PCBP3: variants seen among roughly 807,000 people sequenced by gnomAD.
PCBP3 encodes the protein poly(rC)-binding protein 3.
A neutral mutation model predicts 52.7 loss-of-function variants in PCBP3; 25 were observed. The ratio of observed to expected loss-of-function variants is 0.47; its 90% CI spans 0.35 to 0.66. The LOEUF (loss-of-function observed/expected upper bound fraction) is 0.66, where lower values mean the gene tolerates loss of function less well. Ranked by LOEUF, PCBP3 falls within the 30% of genes least tolerant of loss-of-function variation. The pLI is 0.01. For missense variants in PCBP3, 391 were observed against 490.3 expected (o/e 0.80, Z 1.91); for synonymous variants, 162 against 183.0 (o/e 0.89, Z 0.93).
chr21:45,678,572 T>G (rs2081616622), intron 2 of PCBP3, among the ~76,000 whole-genome samples: 1 of 151,190 alleles, frequency 6.6e-6, no homozygotes, highest in African/African-American at 2.5e-5. Context: ...ACTGCAGATG[T>G]GGTGAAAACA....
intron 3 of PCBP3, chr21:45,744,313 G>A (rs530742496): frequency 3.5e-4 from 53 of 152,170 alleles, no homozygotes; most frequent in African/African-American, 1.3e-3. Context: ...TTCCACCTCA[G>A]TCTCCCACGT....
intron 4 of PCBP3, among the ~76,000 whole-genome samples, chr21:45,840,589 T>G (rs2093681182): frequency 6.6e-6 from 1 of 152,120 alleles, no homozygotes; most frequent in African/African-American, 2.4e-5. Flanking sequence ...GTCCCAAGCC[T>G]TCATATTTAC....
chr21:45,918,101 C>CACCACCGAG, intron 13 of PCBP3: 6 of 206,682 alleles, frequency 2.9e-5, no homozygotes, highest in South Asian at 1.6e-4. Context: ...ACATAGGGTC[C>CACCACCGAG]ATCTACACAC....
rs574735116 is a variant in PCBP3 at position 45,796,504 on chromosome 21, T to A, written c.-126+41052T>A. Among the ~76,000 whole-genome samples the A allele has an allele frequency of 2.4e-3, 358 of 152,336 alleles. 2 individuals are homozygous for A. The highest frequency in any genetic ancestry group is 7.7e-3 in the African/African-American group (322 of 41,580). ...TCTTGAATTCTTTTCATTGCTTTTTTAAAAATTTTTTAAAGTTTCCATTTT... is the reference window on the plus strand; with the variant it reads ...TCTTGAATTCTTTTCATTGCTTTTTAAAAAATTTTTTAAAGTTTCCATTTT... On this transcript the variant is annotated intron_variant, in intron 4 of 17. Coordinates refer to ENST00000681687, the MANE Select transcript of PCBP3 (RefSeq NM_001384156.1).
chr21:45,765,911 T>G (rs975531905), intron 4 of PCBP3, among the ~76,000 whole-genome samples: 1 of 152,184 alleles, frequency 6.6e-6, no homozygotes, highest in African/African-American at 2.4e-5. Context: ...TGAAAAATAA[T>G]GTATTCAAGT....
At chr21:45,936,737 C>T (rs2076936232) in intron 16 of PCBP3, among the ~76,000 whole-genome samples, 1 of 152,208 alleles carries the variant, frequency 6.6e-6, no homozygotes, top group South Asian at 2.1e-4. Context: ...TGCTCTTATC[C>T]AAACACTCAT....
chr21:45,822,790 C>G (rs1286810198), intron 4 of PCBP3, among the ~76,000 whole-genome samples: 2 of 152,172 alleles, frequency 1.3e-5, no homozygotes, highest in Non-Finnish European at 2.9e-5. Context: ...TTTTGGTGAC[C>G]TTGACTGTCC....
At chr21:45,644,603 C>T (rs2079136971) in intron 1 of PCBP3, among the ~76,000 whole-genome samples, 1 of 152,090 alleles carries the variant, frequency 6.6e-6, no homozygotes, top group African/African-American at 2.4e-5. Flanking sequence ...AACCAAAAGT[C>T]GGGTCCTAAA....
chr21:45,884,994 A>G (rs1447021581), intron 5 of PCBP3, among the ~76,000 whole-genome samples: 1 of 152,142 alleles, frequency 6.6e-6, no homozygotes, highest in Non-Finnish European at 1.5e-5. Flanking sequence ...ATGCACTCAC[A>G]TGTTTGCCTA....
intron 4 of PCBP3, chr21:45,828,311 T>G (rs1202763683): frequency 2.0e-5 from 3 of 152,218 alleles, no homozygotes; most frequent in African/African-American, 4.8e-5. Context: ...GGCCCCAAAG[T>G]CTGGTCCCTT....
At chr21:45,709,087 A>G (rs1279629136) in intron 2 of PCBP3, among the ~76,000 whole-genome samples, 1 of 152,238 alleles carries the variant, frequency 6.6e-6, no homozygotes, top group Admixed American at 6.5e-5. Flanking sequence ...AACAGAAACA[A>G]CAGTCCATGT....
chr21:45,893,242 A>T (rs1413397118), intron 5 of PCBP3, among the ~76,000 whole-genome samples: 1 of 102,986 alleles, frequency 9.7e-6, no homozygotes, highest in Admixed American at 1.1e-4. Context: ...GGGAGGAGGG[A>T]GGGGGCTCTG....
At chr21:45,876,819 G>A (rs751522318) in intron 5 of PCBP3, among the ~76,000 whole-genome samples, 5 of 152,262 alleles carry the variant, frequency 3.3e-5, no homozygotes, top group South Asian at 2.1e-4. Flanking sequence ...AGCTGAGGCC[G>A]TGAGTGCAGC....
chr21:45,919,732 C>T (rs2149364037), intron 13 of PCBP3, among the ~76,000 whole-genome samples: 1 of 152,308 alleles, frequency 6.6e-6, no homozygotes, highest in East Asian at 1.9e-4. Flanking sequence ...ACTAGGAAGC[C>T]GGGCTGTGGC....
chr21:45,839,516 G>A (rs1252049886), intron 4 of PCBP3, among the ~76,000 whole-genome samples: 1 of 152,142 alleles, frequency 6.6e-6, no homozygotes, highest in African/African-American at 2.4e-5. Flanking sequence ...CTGTGTTCTT[G>A]TGGAGTCATA....
Position 45,724,404 on chromosome 21 carries a change from C to T in PCBP3, c.-199-10988C>T, listed in dbSNP as rs1302163030. ...GTGGTGCATGGGGGCTGCCCACACT[C>T]CCTGCTGCTTTCTGCTCTCTGCTTG... On this transcript the variant is annotated intron_variant, in intron 2 of 17. Transcript: ENST00000681687. This position sits in a 1 kb window ranked among gnomAD's most constrained non-coding sequence, Gnocchi z 5.3. Among the ~76,000 whole-genome samples the T allele has an allele frequency of 6.6e-6, 1 of 152,054 alleles. No homozygotes were observed. The highest frequency in any genetic ancestry group is 1.5e-5 in the Non-Finnish European group (1 of 68,022).
At position 45,746,683 on chromosome 21, in the gene PCBP3, C is replaced by G. The variant is rs547855214; in HGVS notation, c.-161-8734C>G. On this transcript the variant is annotated intron_variant, in intron 3 of 17. Transcript: ENST00000681687. Reference sequence around the variant, plus strand: ...ACGTAGCGCCACATGGTGGTGTCAGCATCGCCGTGTCAGTCCACTGACGTA... The same window carrying G: ...ACGTAGCGCCACATGGTGGTGTCAGGATCGCCGTGTCAGTCCACTGACGTA... Among the ~76,000 whole-genome samples, 3 of 84,714 alleles carry G rather than the reference C, an allele frequency of 3.5e-5. No homozygotes were observed. In the South Asian group the frequency reaches 1.3e-3, roughly 38 times the overall value. 55.6% of individuals were successfully genotyped at this position (84,714 alleles called of 152,430 possible).
chr21:45,881,488 A>T (rs1047901408), intron 5 of PCBP3, among the ~76,000 whole-genome samples: 1 of 152,104 alleles, frequency 6.6e-6, no homozygotes. Context: ...GATGGGGTCT[A>T]TTTTGCCCAG....
chr21:45,936,833 A>T (rs1244444790), intron 16 of PCBP3, among the ~76,000 whole-genome samples: 2 of 152,146 alleles, frequency 1.3e-5, no homozygotes, highest in African/African-American at 4.8e-5. Context: ...GTACAGATGG[A>T]TGCTGGTTTT....
Sources: allele counts gnomAD v4.1 joint callset (sites outside exome capture counted in the v4.1 genomes callset), GRCh38; gene constraint gnomAD v4.1.1; non-coding constraint Gnocchi (gnomAD v3.1); transcripts MANE v1.5; gene names NCBI Gene and HGNC (gene_info 2026-07-23, HGNC 2026-07-21).